The following ARHGAP32 variants were observed in gnomAD, a reference collection of about 807,000 sequenced individuals.
ARHGAP32 encodes Rho GTPase activating protein 32.
In ARHGAP32, 51 loss-of-function variants were observed where a neutral mutation model predicts 186.5. The ratio of observed to expected loss-of-function variants is 0.27; its 90% CI spans 0.22 to 0.35. ARHGAP32 has a LOEUF of 0.35. ARHGAP32 is among the 10% of genes least tolerant of loss of function. The pLI is 1.00. For synonymous variants in ARHGAP32, 950 were observed against 964.3 expected, an observed-to-expected ratio of 0.99 and a Z score of 0.27; for missense variants, 2,186 against 2,623.5, an observed-to-expected ratio of 0.83 and a Z score of 3.64.
At chr11:129,038,888 G>GAAAAAAAAAAAAAAAAAAAAAAAAAAAAA (rs56810685) in intron 11 of ARHGAP32, among the ~76,000 whole-genome samples, 3 of 92,188 alleles carry the variant, frequency 3.3e-5, no homozygotes, top group African/African-American at 4.3e-5. Context: ...ACCCTGTCTC[G>GAAAAAAAAAAAAAAAAAAAAAAAAAAAAA]AAAAAAAAAA....
At chr11:129,072,728 C>A (rs1455544467) in intron 6 of ARHGAP32, among the ~76,000 whole-genome samples, 1 of 152,152 alleles carries the variant, frequency 6.6e-6, no homozygotes, top group East Asian at 1.9e-4. Flanking sequence ...TCCCAGAGAA[C>A]CCCGTCACGG....
In ARHGAP32 at chr11:128,965,264, C is replaced by A. The variant is rs1368437975; in HGVS notation, c.*3643G>T. 1 of 149,772 alleles carries A rather than the reference C, an allele frequency of 6.7e-6. No individual in the cohort carries two copies. Among genetic ancestry groups the A allele is most frequent in the Non-Finnish European group, 1.5e-5 (1 of 67,550 alleles). 9.3% of individuals were successfully genotyped at this position (149,772 alleles called of 1,614,324 possible). ...AAATAAGTTTGCAAGAAATGAGACTCTAAATATTTACATATGGGGCAAGAA... is the reference window on the plus strand; with the variant it reads ...AAATAAGTTTGCAAGAAATGAGACTATAAATATTTACATATGGGGCAAGAA... On this transcript the variant is annotated 3_prime_UTR_variant, in exon 23 of 23. Transcript: ENST00000682385.
chr11:129,005,173 CCT>C (rs909318446), intron 11 of ARHGAP32, among the ~76,000 whole-genome samples: 2 of 152,074 alleles, frequency 1.3e-5, no homozygotes, highest in African/African-American at 2.4e-5. Flanking sequence ...TTAACTTCAT[CCT>C]CTGTTTTTAA....
intron 1 of ARHGAP32, among the ~76,000 whole-genome samples, chr11:129,206,535 T>C (rs148366108): frequency 2.0e-5 from 3 of 152,296 alleles, no homozygotes; most frequent in Admixed American, 6.5e-5. Flanking sequence ...TTTTTTTAAA[T>C]AGCTCATTCA....
intron 10 of ARHGAP32, among the ~76,000 whole-genome samples, chr11:129,049,584 C>T (rs182602296): frequency 1.1e-3 from 169 of 152,228 alleles, no homozygotes; most frequent in African/African-American, 3.7e-3. Context: ...CTTTTTATCA[C>T]GATATATTAC....
chr11:129,086,775 T>G (rs1320459536), intron 6 of ARHGAP32, among the ~76,000 whole-genome samples: 4 of 145,866 alleles, frequency 2.7e-5, no homozygotes, highest in Non-Finnish European at 4.5e-5. Flanking sequence ...GAGCCGAGAT[T>G]GCGCCACTGC....
intron 1 of ARHGAP32, among the ~76,000 whole-genome samples, chr11:129,218,450 TCA>T (rs35319976): frequency 1 from 150,904 of 151,506 alleles, 75,154 homozygotes; most frequent in Middle Eastern, 1. Context: ...GCAGCTAATC[TCA>T]CACACACACA....
rs150760838 is a variant in ARHGAP32 at position 128,994,093 on chromosome 11, T to C, written c.1195+4226A>G. Among the ~76,000 whole-genome samples, 11 of 152,252 alleles carry C rather than the reference T, an allele frequency of 7.2e-5. No individual in the cohort carries two copies. In the East Asian group the frequency reaches 2.1e-3, roughly 29 times the overall value. On this transcript the variant is annotated intron_variant, in intron 12 of 22. Transcript: ENST00000682385. ...CTGAAACTTCTAAGTACAACTAAAA[T>C]TGAATTGATATTTGAAAGCTAATGA...
chr11:129,134,612 C>T (rs1942895281), intron 2 of ARHGAP32, among the ~76,000 whole-genome samples: 1 of 152,104 alleles, frequency 6.6e-6, no homozygotes, highest in Non-Finnish European at 1.5e-5. Context: ...ACATCAAATA[C>T]CTAGGAACAT....
intron 1 of ARHGAP32, among the ~76,000 whole-genome samples, chr11:129,189,113 A>G (rs889107026): frequency 6.6e-6 from 1 of 152,140 alleles, no homozygotes; most frequent in Non-Finnish European, 1.5e-5. Flanking sequence ...AACCTCCTCA[A>G]AAAAAAGGAA....
rs183575774 is a variant in ARHGAP32 at position 129,262,660 on chromosome 11, G to A, written c.-5+16486C>T. Among the ~76,000 whole-genome samples the A allele has an allele frequency of 5.3e-5, 8 of 152,110 alleles. No individual in the cohort carries two copies. The East Asian group carries it at 1.5e-3, about 29-fold the overall frequency. ...GATCTGCCTGCCTTGGCCTCCCAAA[G>A]TGCTGGGATTACAGACACGGGCCAC... On this transcript the variant is annotated intron_variant, in intron 1 of 6. Coordinates refer to the ARHGAP32 transcript ENST00000525234.
chr11:129,193,676 TATATAA>T (rs1944341184), upstream of ARHGAP32, among the ~76,000 whole-genome samples: 1 of 48,556 alleles, frequency 2.1e-5, no homozygotes, highest in Non-Finnish European at 3.7e-5. Context: ...TTATATATAA[TATATAA>T]TATATATTAT....
chr11:129,023,995 T>C (rs1252146754), intron 11 of ARHGAP32: 2 of 985,348 alleles, frequency 2.0e-6, no homozygotes, highest in Non-Finnish European at 2.4e-6. Context: ...TCCAACTGGT[T>C]CCAACCTCAC....
At chr11:129,225,439 A>T (rs985132295) in intron 1 of ARHGAP32, among the ~76,000 whole-genome samples, 18 of 152,182 alleles carry the variant, frequency 1.2e-4, no homozygotes, top group Admixed American at 1.2e-3. Flanking sequence ...ACCAACACAC[A>T]CAAAGAGCCT....
chr11:129,174,421 G>C (rs1334804095), intron 1 of ARHGAP32, among the ~76,000 whole-genome samples: 1 of 152,158 alleles, frequency 6.6e-6, no homozygotes, highest in African/African-American at 2.4e-5. Context: ...CAGAAAGCTC[G>C]AACTGGGTAG....
intron 1 of ARHGAP32, among the ~76,000 whole-genome samples, chr11:129,242,725 A>C (rs539783220): frequency 1.3e-4 from 20 of 151,978 alleles, no homozygotes; most frequent in Non-Finnish European, 2.6e-4. Context: ...CTCAAAAAAA[A>C]AAAAAGATAA....
At chr11:129,171,001 T>C (rs1393567153) in intron 1 of ARHGAP32, among the ~76,000 whole-genome samples, 1 of 152,236 alleles carries the variant, frequency 6.6e-6, no homozygotes, top group East Asian at 1.9e-4. Context: ...CTTTGCCAAC[T>C]TTTTGATGGG....
chr11:129,229,056 T>C (rs1284516935), intron 1 of ARHGAP32, among the ~76,000 whole-genome samples: 1 of 152,236 alleles, frequency 6.6e-6, no homozygotes, highest in Non-Finnish European at 1.5e-5. Context: ...TTAAGCCTTA[T>C]GTTTTTTACA....
chr11:128,980,755 A>C lies in ARHGAP32; in HGVS notation c.1781-7T>G, dbSNP rs759294200. On this transcript the variant is annotated splice_polypyrimidine_tract_variant and splice_region_variant and intron_variant, in intron 17 of 22. Transcript: ENST00000682385. ...TTGGGCCTTGATAGAGAAGCTTCAA[A>C]AAGAAAAGGAAGCTGATGAAGAGAG... 1.3e-6 allele frequency: 2 copies of C among 1,591,014 alleles called. No homozygotes were observed. Among genetic ancestry groups the C allele is most frequent in the East Asian group, 4.5e-5 (2 of 44,700 alleles).
Sources: gnomAD v4.1 joint callset for allele counts (sites outside exome capture counted in the v4.1 genomes callset) on GRCh38, gnomAD v4.1.1 for gene constraint, MANE v1.5 for transcripts, NCBI Gene and HGNC (gene_info 2026-07-23, HGNC 2026-07-21) for gene names.